Variants in GMDS observed in about 807,000 individuals in gnomAD.
The protein encoded by GMDS is GDP-mannose 4,6-dehydratase.
Under a neutral mutation model 49.9 loss-of-function variants are expected in GMDS, and 20 were observed. That is an observed-to-expected ratio of 0.40 (90% CI 0.28 to 0.58). The LOEUF is 0.58. Among genes scored for constraint, GMDS ranks in the 20% least tolerant of loss-of-function variants. The pLI is 0.42. For synonymous variants in GMDS, 177 were observed against 178.6 expected, an observed-to-expected ratio of 0.99 and a Z score of 0.07; for missense variants, 362 against 481.4, an observed-to-expected ratio of 0.75 and a Z score of 2.32.
chr6:1,912,685 A>C (rs1196445617), intron 7 of GMDS, among the ~76,000 whole-genome samples: 5 of 152,202 alleles, frequency 3.3e-5, no homozygotes, highest in African/African-American at 1.2e-4. Flanking sequence ...AAAGAGAAAA[A>C]ATGAAATATA....
intron 1 of GMDS, among the ~76,000 whole-genome samples, chr6:2,211,469 T>C (rs1780057632): frequency 6.6e-6 from 1 of 152,202 alleles, no homozygotes; most frequent in Non-Finnish European, 1.5e-5. Context: ...ATTCTCTAAT[T>C]TGCATGTTAA....
In GMDS at chr6:2,226,428, C is replaced by T. The variant is rs149026749; in HGVS notation, c.102+18893G>A. Reference sequence around the variant, plus strand: ...AAGGGCAACATTCCAACTAAATTTTCGCATTACTGTGTGCTACAATTAATT... The same window carrying T: ...AAGGGCAACATTCCAACTAAATTTTTGCATTACTGTGTGCTACAATTAATT... On this transcript the variant is annotated intron_variant, in intron 1 of 10. Transcript: ENST00000380815. Among the ~76,000 whole-genome samples, 348 of 152,286 alleles carry T rather than the reference C, an allele frequency of 2.3e-3. 3 individuals are homozygous for T. Among genetic ancestry groups the T allele is most frequent in the African/African-American group, 7.7e-3 (320 of 41,554 alleles).
intron 7 of GMDS, among the ~76,000 whole-genome samples, chr6:1,759,777 T>C (rs1480297803): frequency 6.6e-6 from 1 of 152,236 alleles, no homozygotes; most frequent in African/African-American, 2.4e-5. Flanking sequence ...CTATCAGGTA[T>C]GGCTCCTTTC....
At chr6:1,659,994 G>T (rs62390655) in intron 9 of GMDS, among the ~76,000 whole-genome samples, 1 of 152,048 alleles carries the variant, frequency 6.6e-6, no homozygotes, top group African/African-American at 2.4e-5. Context: ...AGGAAGTCTC[G>T]GTGGCCTAGA....
intron 9 of GMDS, among the ~76,000 whole-genome samples, chr6:1,630,233 G>T (rs1762957783): frequency 6.6e-6 from 1 of 152,212 alleles, no homozygotes. Context: ...ACATATTCTG[G>T]AGAAAGCCCT....
intron 9 of GMDS, among the ~76,000 whole-genome samples, chr6:1,663,132 AG>A (rs1426117755): frequency 3.9e-5 from 6 of 152,248 alleles, no homozygotes; most frequent in Admixed American, 1.3e-4. Flanking sequence ...TATGATACTT[AG>A]GAGCAGACTG....
chr6:1,952,513 A>G (rs979031655), intron 6 of GMDS, among the ~76,000 whole-genome samples: 2 of 152,154 alleles, frequency 1.3e-5, no homozygotes, highest in Middle Eastern at 3.4e-3. Context: ...GGAGATGATT[A>G]AAAAAAGTTC....
intron 9 of GMDS, among the ~76,000 whole-genome samples, chr6:1,693,416 C>T (rs998953310): frequency 1.3e-5 from 2 of 152,244 alleles, no homozygotes; most frequent in Non-Finnish European, 2.9e-5. Context: ...AGGGAACTTG[C>T]TGGGCTCTGC....
chr6:2,079,200 T>C (rs1317987288), intron 4 of GMDS, among the ~76,000 whole-genome samples: 9 of 151,890 alleles, frequency 5.9e-5, no homozygotes, highest in Admixed American at 5.9e-4. Context: ...AGGTAATATA[T>C]AGCTGGATCT....
intron 6 of GMDS, chr6:1,959,583 TA>T (rs778884191): frequency 1.1e-4 from 25 of 225,184 alleles, no homozygotes; most frequent in South Asian, 4.7e-4. Context: ...AGCTTCCTAA[TA>T]CTCAGGTTGA....
chr6:2,174,286 A>C (rs1391208468), intron 1 of GMDS, among the ~76,000 whole-genome samples: 3 of 152,246 alleles, frequency 2.0e-5, no homozygotes, highest in Admixed American at 2.0e-4. Context: ...AAAAAGGATA[A>C]GAGAATGTTT....
chr6:2,127,217 A>T (rs1054409602), intron 1 of GMDS, among the ~76,000 whole-genome samples: 2 of 152,186 alleles, frequency 1.3e-5, no homozygotes, highest in Admixed American at 6.5e-5. Flanking sequence ...TCAATGAGAA[A>T]ACAGCTTAAT....
At chr6:1,996,540 C>A (rs1034829702) in intron 4 of GMDS, among the ~76,000 whole-genome samples, 12 of 152,172 alleles carry the variant, frequency 7.9e-5, no homozygotes, top group African/African-American at 2.9e-4. Flanking sequence ...GAAGGGCTAG[C>A]GTAGTATCCT....
At chr6:2,070,362 T>C (rs1771913738) in intron 4 of GMDS, among the ~76,000 whole-genome samples, 1 of 151,710 alleles carries the variant, frequency 6.6e-6, no homozygotes, top group African/African-American at 2.4e-5. Context: ...GGCACATGTA[T>C]ACATATGTAA....
At chr6:2,184,748 A>T (rs1778703722) in intron 1 of GMDS, among the ~76,000 whole-genome samples, 1 of 152,230 alleles carries the variant, frequency 6.6e-6, no homozygotes, top group Non-Finnish European at 1.5e-5. Context: ...ATACAAGCCC[A>T]AAATTCTCAT....
At chr6:2,032,819 T>C (rs936323329) in intron 4 of GMDS, among the ~76,000 whole-genome samples, 3 of 152,084 alleles carry the variant, frequency 2.0e-5, no homozygotes, top group African/African-American at 7.2e-5. Context: ...AAAACAGAGG[T>C]AGCATTTGGA....
chr6:2,152,315 C>T (rs1046005763), intron 1 of GMDS, among the ~76,000 whole-genome samples: 1 of 152,092 alleles, frequency 6.6e-6, no homozygotes, highest in Non-Finnish European at 1.5e-5. Context: ...GTTACTGCTA[C>T]TAGCCAATGC....
intron 6 of GMDS, among the ~76,000 whole-genome samples, chr6:1,955,539 A>G (rs987760294): frequency 2.6e-5 from 4 of 152,174 alleles, no homozygotes; most frequent in African/African-American, 9.7e-5. Context: ...CATAAGAAGC[A>G]AGTCTATAGC....
intron 7 of GMDS, among the ~76,000 whole-genome samples, chr6:1,761,673 GTGTCAAAATATTGTTCT>G (rs1561788073): frequency 1.3e-5 from 2 of 152,224 alleles, no homozygotes; most frequent in African/African-American, 4.8e-5. Context: ...GTGTCAATGA[GTGTCAAAATATTGTTCT>G]TTTAATACAT....
Sources: gnomAD v4.1 joint callset for allele counts (sites outside exome capture counted in the v4.1 genomes callset) on GRCh38, gnomAD v4.1.1 for gene constraint, MANE v1.5 for transcripts, NCBI Gene and HGNC (gene_info 2026-07-23, HGNC 2026-07-21) for gene names.